OSBPL9: variants seen among roughly 807,000 people sequenced by gnomAD.
OSBPL9 encodes the protein oxysterol binding protein like 9.
OSBPL9 carries 40 observed loss-of-function variants against 106.6 expected under a neutral mutation model. That is an observed-to-expected ratio of 0.38 (90% CI 0.29 to 0.49). OSBPL9 has a LOEUF of 0.49. Ranked by LOEUF, OSBPL9 falls within the 20% of genes least tolerant of loss-of-function variation. The pLI is 0.97. For synonymous variants in OSBPL9, 269 were observed against 295.4 expected (o/e 0.91, Z 0.92); for missense variants, 609 against 887.2 (o/e 0.69, Z 3.98).
chr1:51,636,670 C>T (rs1343715883), intron 1 of OSBPL9, among the ~76,000 whole-genome samples: 1 of 152,004 alleles, frequency 6.6e-6, no homozygotes, highest in Non-Finnish European at 1.5e-5. Context: ...ATTGTGAAGG[C>T]TGGGCACAGT....
intron 2 of OSBPL9, among the ~76,000 whole-genome samples, chr1:51,661,245 T>C (rs559602249): frequency 1.3e-5 from 2 of 152,316 alleles, no homozygotes; most frequent in African/African-American, 4.8e-5. Flanking sequence ...GTCATCATTC[T>C]TTTTTATTAT....
chr1:51,642,799 C>G (rs905873854), intron 1 of OSBPL9, among the ~76,000 whole-genome samples: 2 of 152,160 alleles, frequency 1.3e-5, no homozygotes, highest in African/African-American at 4.8e-5. Flanking sequence ...TCAAACTTCT[C>G]TGGGAAATGA....
chr1:51,669,576 G>T (rs1244456854), intron 3 of OSBPL9, 64 bp downstream of exon 3: 5 of 1,510,236 alleles, frequency 3.3e-6, no homozygotes, highest in Non-Finnish European at 3.7e-6. Context: ...TCTCTTTTGG[G>T]TTGTTTGCTG....
the OSBPL9 span, among the ~76,000 whole-genome samples, chr1:51,522,270 A>C: frequency 6.6e-6 from 1 of 152,258 alleles, no homozygotes; most frequent in Admixed American, 6.5e-5. Context: ...TTAACAAAAA[A>C]TAAAAAGAAT....
At chr1:51,701,788 C>A (rs898120959) in intron 3 of OSBPL9, among the ~76,000 whole-genome samples, 1 of 152,078 alleles carries the variant, frequency 6.6e-6, no homozygotes, top group Non-Finnish European at 1.5e-5. Context: ...CTAATGCTAT[C>A]CCTCCCCGCT....
At chr1:51,534,582 A>C in the OSBPL9 span, among the ~76,000 whole-genome samples, 1 of 152,178 alleles carries the variant, frequency 6.6e-6, no homozygotes, top group Non-Finnish European at 1.5e-5. Flanking sequence ...TGAAGTGGAT[A>C]AGAATTAAAG....
chr1:51,519,678 A>C, the OSBPL9 span, among the ~76,000 whole-genome samples: 3 of 152,208 alleles, frequency 2.0e-5, no homozygotes, highest in East Asian at 5.8e-4. Flanking sequence ...AGAAAATAAT[A>C]ATGGCACTTT....
intron 1 of OSBPL9, among the ~76,000 whole-genome samples, chr1:51,586,461 C>G (rs930491368): frequency 3.9e-5 from 6 of 152,126 alleles, no homozygotes; most frequent in African/African-American, 1.4e-4. Flanking sequence ...TACTGTTGGG[C>G]ATTTAGGTTT....
chr1:51,533,631 C>T, the OSBPL9 span, among the ~76,000 whole-genome samples: 3 of 151,864 alleles, frequency 2.0e-5, no homozygotes, highest in South Asian at 2.1e-4. Flanking sequence ...GCATTTGAAT[C>T]GAGCCTCAAA....
At position 51,742,453 on chromosome 1, in the gene OSBPL9, C is replaced by A. The variant is rs140773077; in HGVS notation, c.319-3083C>A. ...ACTCGGCCGGGCGCATTGGCCCACA[C>A]CTTGTAATCTCAGCACTTTTGGGGA... On this transcript the variant is annotated intron_variant, in intron 4 of 23. Transcript: ENST00000428468. Among the ~76,000 whole-genome samples the A allele has an allele frequency of 1.4e-3, 214 of 152,188 alleles. 1 individual carries two copies. The highest frequency in any genetic ancestry group is 4.9e-3 in the African/African-American group (203 of 41,532).
intron 1 of OSBPL9, among the ~76,000 whole-genome samples, chr1:51,624,971 T>A (rs1644685025): frequency 6.6e-6 from 1 of 152,228 alleles, no homozygotes; most frequent in Non-Finnish European, 1.5e-5. Flanking sequence ...CTAATTCGAA[T>A]TATAGGTGAG....
intron 1 of OSBPL9, among the ~76,000 whole-genome samples, chr1:51,590,682 T>C (rs1371021310): frequency 2.7e-5 from 4 of 150,426 alleles, no homozygotes; most frequent in Non-Finnish European, 5.9e-5. Flanking sequence ...GTTTTGAAGG[T>C]ACACTCAATT....
chr1:51,608,287 A>T (rs939043707), intron 2 of OSBPL9, among the ~76,000 whole-genome samples: 2 of 151,710 alleles, frequency 1.3e-5, no homozygotes, highest in Admixed American at 1.3e-4. Context: ...ACCAATTATT[A>T]TTTTATTTAA....
chr1:51,659,816 G>A (rs1026086309), intron 2 of OSBPL9, among the ~76,000 whole-genome samples: 1 of 152,058 alleles, frequency 6.6e-6, no homozygotes, highest in Admixed American at 6.6e-5. Context: ...ACAAAATTAG[G>A]CTGTCAAAGA....
At chr1:51,632,097 ATATATC>A (rs1645141322) in intron 1 of OSBPL9, among the ~76,000 whole-genome samples, 1 of 152,202 alleles carries the variant, frequency 6.6e-6, no homozygotes, top group Non-Finnish European at 1.5e-5. Flanking sequence ...TAACTTTTAA[ATATATC>A]TATATATACA....
chr1:51,704,270 C>CT (rs1420739212), intron 3 of OSBPL9, among the ~76,000 whole-genome samples: 4 of 152,040 alleles, frequency 2.6e-5, no homozygotes, highest in Non-Finnish European at 5.9e-5. Flanking sequence ...TGGTCCTGGG[C>CT]TTTTTTTGGT....
chr1:51,760,557 C>T, intron 9 of OSBPL9, 133 bp from the exon 10 acceptor site: 1 of 1,327,472 alleles, frequency 7.5e-7, no homozygotes, highest in Non-Finnish European at 1.0e-6. Context: ...TGTTTCATTC[C>T]CTCTTTTCAT....
At chr1:51,752,736 A>G (rs1669532371) in intron 8 of OSBPL9, 1 of 340,376 alleles carries the variant, frequency 2.9e-6, no homozygotes, top group Non-Finnish European at 5.9e-6. Flanking sequence ...GTGAGTATGC[A>G]CAGAGAGAGG....
chr1:51,770,052 C>T (rs570715250), intron 12 of OSBPL9, among the ~76,000 whole-genome samples: 179 of 152,134 alleles, frequency 1.2e-3, no homozygotes, highest in Non-Finnish European at 2.1e-3. Flanking sequence ...CTCACTATAG[C>T]CTCAACCTCA....
Sources: allele counts gnomAD v4.1 joint callset (sites outside exome capture counted in the v4.1 genomes callset), GRCh38; gene constraint gnomAD v4.1.1; transcripts MANE v1.5; gene names NCBI Gene and HGNC (gene_info 2026-07-23, HGNC 2026-07-21).